The following PLA2G5 variants were observed in gnomAD, a reference collection of about 807,000 sequenced individuals.
PLA2G5 encodes Ca2+-dependent phospholipase A2.
PLA2G5 carries 12 observed loss-of-function variants against 15.9 expected under a neutral mutation model. The observed-to-expected ratio is 0.76, with a 90% CI of 0.48 to 1.23. The LOEUF (loss-of-function observed/expected upper bound fraction) is 1.23, where lower values mean the gene tolerates loss of function less well. PLA2G5 is among the 50% of genes most tolerant of loss of function. The pLI, the probability that PLA2G5 is intolerant of heterozygous loss-of-function variation, is 0.00. For synonymous variants in PLA2G5, 71 were observed against 71.4 expected (o/e 0.99, Z 0.03); for missense variants, 169 against 177.1 (o/e 0.95, Z 0.26).
chr1:20,031,627 G>A (rs998387685), intron 1 of PLA2G5, among the ~76,000 whole-genome samples: 5 of 151,372 alleles, frequency 3.3e-5, no homozygotes, highest in Non-Finnish European at 7.4e-5. Context: ...GTTAAGTGCC[G>A]CTAGGTTAGT....
upstream of PLA2G5, among the ~76,000 whole-genome samples, chr1:20,066,440 A>G (rs1247877313): frequency 1.3e-5 from 2 of 152,222 alleles, no homozygotes; most frequent in African/African-American, 4.8e-5. Flanking sequence ...TCCCAGCTCC[A>G]CATTCAGTGG....
upstream of PLA2G5, among the ~76,000 whole-genome samples, chr1:20,067,246 T>G (rs1188630175): frequency 6.6e-6 from 1 of 152,006 alleles, no homozygotes; most frequent in Non-Finnish European, 1.5e-5. Flanking sequence ...CCCACCTCAG[T>G]CTCCCAAAGT....
chr1:20,056,794 G>T (rs2014453680), intron 1 of PLA2G5, among the ~76,000 whole-genome samples: 3 of 152,066 alleles, frequency 2.0e-5, no homozygotes, highest in Admixed American at 6.5e-5. Context: ...GAATTAATAT[G>T]ATTTTTTCCT....
At chr1:20,035,444 T>A (rs1231010188) in intron 1 of PLA2G5, among the ~76,000 whole-genome samples, 1 of 152,214 alleles carries the variant, frequency 6.6e-6, no homozygotes, top group Non-Finnish European at 1.5e-5. Context: ...CTGAACCTCT[T>A]TGGAATGTTT....
At chr1:20,046,193 G>T (rs1300396628) in intron 1 of PLA2G5, 2 of 152,152 alleles carry the variant, frequency 1.3e-5, no homozygotes, top group African/African-American at 4.8e-5. Flanking sequence ...CAACCAGCTT[G>T]TCTTAATTTC....
At chr1:20,088,380 A>G (rs1196875400) in intron 3 of PLA2G5, among the ~76,000 whole-genome samples, 1 of 151,454 alleles carries the variant, frequency 6.6e-6, no homozygotes, top group African/African-American at 2.4e-5. Flanking sequence ...AAAAGGCAAG[A>G]CAATGAAATG....
chr1:20,078,728 T>A lies in PLA2G5; in HGVS notation c.-10-6093T>A, dbSNP rs575279864. Among the ~76,000 whole-genome samples, 120 of 152,028 alleles carry A rather than the reference T, an allele frequency of 7.9e-4. 1 individual carries two copies. Among genetic ancestry groups the A allele is most frequent in the African/African-American group, 2.9e-3 (119 of 41,470 alleles). ...GGAAGAGAAGGGTTCATGGGGGCCTTAAGGAGGGGCTTCTCTCTGATGCTA... is the reference window on the plus strand; with the variant it reads ...GGAAGAGAAGGGTTCATGGGGGCCTAAAGGAGGGGCTTCTCTCTGATGCTA... On this transcript the variant is annotated intron_variant, in intron 1 of 4. Coordinates refer to ENST00000375108, the MANE Select transcript of PLA2G5 (RefSeq NM_000929.3).
intron 2 of PLA2G5, among the ~76,000 whole-genome samples, 162 bp from the exon 3 acceptor site, chr1:20,085,921 A>C (rs762534374): frequency 6.6e-6 from 1 of 152,134 alleles, no homozygotes; most frequent in Non-Finnish European, 1.5e-5. Flanking sequence ...CCAGTTCTCC[A>C]TACTGCTTGC....
upstream of PLA2G5, among the ~76,000 whole-genome samples, chr1:20,065,693 T>C (rs2014988206): frequency 6.6e-6 from 1 of 152,250 alleles, no homozygotes; most frequent in Non-Finnish European, 1.5e-5. Context: ...AAAACTCTTT[T>C]GGTTGCATCC....
upstream of PLA2G5, chr1:20,068,868 GGAAGCCGCTGATACA>G: frequency 1.5e-5 from 17 of 1,116,072 alleles, no homozygotes; most frequent in Non-Finnish European, 1.9e-5. Context: ...GTTGCCTCCT[GGAAGCCGCTGATACA>G]GAAGCCTGAG....
chr1:20,051,531 A>C (rs1468807304), intron 1 of PLA2G5, among the ~76,000 whole-genome samples: 3 of 152,224 alleles, frequency 2.0e-5, no homozygotes, highest in Non-Finnish European at 4.4e-5. Context: ...TATGGAACAA[A>C]ATTTAGAACA....
intron 4 of PLA2G5, among the ~76,000 whole-genome samples, chr1:20,090,164 A>G (rs11573287): frequency 0.012 from 1,825 of 152,274 alleles, 16 homozygotes; most frequent in South Asian, 0.033. Flanking sequence ...CATTTTAGAC[A>G]TCAAGAAATG....
At chr1:20,051,334 T>A (rs557750224) in intron 1 of PLA2G5, among the ~76,000 whole-genome samples, 1 of 152,228 alleles carries the variant, frequency 6.6e-6, no homozygotes, top group Admixed American at 6.5e-5. Context: ...CTGTCATGAC[T>A]CATGGAGAAC....
chr1:20,035,623 T>C (rs1407507669), intron 1 of PLA2G5, among the ~76,000 whole-genome samples: 3 of 152,200 alleles, frequency 2.0e-5, no homozygotes, highest in Non-Finnish European at 4.4e-5. Context: ...ATGTGATAGA[T>C]GAGTTTCTTG....
At chr1:20,050,659 G>A (rs1389587574) in intron 1 of PLA2G5, among the ~76,000 whole-genome samples, 2 of 152,102 alleles carry the variant, frequency 1.3e-5, no homozygotes, top group East Asian at 1.9e-4. Flanking sequence ...TTTTATTAGG[G>A]TTTATAGTTT....
At chr1:20,080,385 C>T (rs1289558326) in intron 1 of PLA2G5, among the ~76,000 whole-genome samples, 1 of 152,084 alleles carries the variant, frequency 6.6e-6, no homozygotes. Context: ...AGTTCGAGAC[C>T]AGCCTGACCA....
At chr1:20,066,402 T>C (rs1020188819), upstream of PLA2G5, among the ~76,000 whole-genome samples, 1 of 152,210 alleles carries the variant, frequency 6.6e-6, no homozygotes, top group African/African-American at 2.4e-5. Context: ...GTTTCATATT[T>C]TAATAAAGTC....
At chr1:20,030,278 GC>G (rs2012849151) in intron 1 of PLA2G5, among the ~76,000 whole-genome samples, 1 of 151,990 alleles carries the variant, frequency 6.6e-6, no homozygotes, top group South Asian at 2.1e-4. Context: ...GAGAGGGTCA[GC>G]AGGGAAACAT....
At chr1:20,029,622 G>A (rs2012798156) in intron 1 of PLA2G5, among the ~76,000 whole-genome samples, 2 of 152,124 alleles carry the variant, frequency 1.3e-5, no homozygotes, top group African/African-American at 2.4e-5. Context: ...CCCTACCGGG[G>A]ACCATGCCTT....
Sources: gnomAD v4.1 joint callset for allele counts (sites outside exome capture counted in the v4.1 genomes callset) on GRCh38, gnomAD v4.1.1 for gene constraint, MANE v1.5 for transcripts, NCBI Gene and HGNC (gene_info 2026-07-23, HGNC 2026-07-21) for gene names.